Variants in NALCN observed in about 807,000 individuals in gnomAD.
The protein encoded by NALCN is sodium leak channel NALCN.
In NALCN, 111 loss-of-function variants were observed where a neutral mutation model predicts 225.3. The ratio of observed to expected loss-of-function variants is 0.49; its 90% CI spans 0.42 to 0.58. The LOEUF (loss-of-function observed/expected upper bound fraction) is 0.58. Among genes scored for constraint, NALCN ranks in the 20% least tolerant of loss-of-function variants. The pLI is 0.00. For synonymous variants in NALCN, 764 were observed against 769.0 expected (o/e 0.99, Z 0.11); for missense variants, 1,378 against 2,202.4 (o/e 0.63, Z 7.49).
chr13:101,127,399 C>T (rs555288523), intron 17 of NALCN, among the ~76,000 whole-genome samples: 1 of 152,258 alleles, frequency 6.6e-6, no homozygotes, highest in South Asian at 2.1e-4. Context: ...CACTCTGTTG[C>T]CCAGGTTGGA....
intron 7 of NALCN, among the ~76,000 whole-genome samples, chr13:101,341,333 G>A (rs1339812449): frequency 6.6e-6 from 1 of 152,188 alleles, no homozygotes; most frequent in Non-Finnish European, 1.5e-5. Context: ...TAAAGAATTT[G>A]TAAGCATTGT....
At chr13:101,055,578 T>TA in intron 43 of NALCN, 90 bp from the exon 44 acceptor site, 1 of 1,148,820 alleles carries the variant, frequency 8.7e-7, no homozygotes, top group Non-Finnish European at 1.2e-6. Context: ...CCATCAGTGA[T>TA]ACTTTTGGCT....
Position 101,082,213 on chromosome 13 carries a change from G to GTAAC in NALCN, c.3766-571_3766-568dup, listed in dbSNP as rs746098711. Among the ~76,000 whole-genome samples, 54 of 152,240 alleles carry GTAAC rather than the reference G, an allele frequency of 3.5e-4. 1 individual carries two copies. The highest frequency in any genetic ancestry group is 2.4e-3 in the Admixed American group (37 of 15,288). ...TTTAAAGAATAATTGTAAACATGTA[G>GTAAC]TAACTAAAAATAAGAGTTTATTACC... On this transcript the variant is annotated intron_variant, in intron 33 of 43. Coordinates refer to ENST00000251127, the MANE Select transcript of NALCN (RefSeq NM_052867.4).
At chr13:101,411,971 T>A (rs1432324032) in intron 1 of NALCN, among the ~76,000 whole-genome samples, 1 of 152,226 alleles carries the variant, frequency 6.6e-6, no homozygotes, top group Admixed American at 6.5e-5. Context: ...CTGATAATTT[T>A]AGAGAGGAAG....
intron 40 of NALCN, among the ~76,000 whole-genome samples, chr13:101,064,646 T>C (rs2032220168): frequency 6.6e-6 from 1 of 151,718 alleles, no homozygotes; most frequent in African/African-American, 2.4e-5. Flanking sequence ...AGCCAAGGAA[T>C]GACCAACATT....
chr13:101,159,434 A>G (rs1441851171), intron 15 of NALCN, among the ~76,000 whole-genome samples: 3 of 152,290 alleles, frequency 2.0e-5, no homozygotes, highest in East Asian at 3.9e-4. Flanking sequence ...GGTTACTAAC[A>G]TGTTGCCTAT....
At chr13:101,055,822 T>C (rs185631568) in intron 43 of NALCN, among the ~76,000 whole-genome samples, 142 of 152,060 alleles carry the variant, frequency 9.3e-4, no homozygotes, top group Non-Finnish European at 1.3e-3. Context: ...TTCATTAGCA[T>C]ATGCAATAAA....
intron 15 of NALCN, among the ~76,000 whole-genome samples, chr13:101,165,967 T>C (rs2038418442): frequency 6.6e-6 from 1 of 152,242 alleles, no homozygotes; most frequent in African/African-American, 2.4e-5. Context: ...TTGACTACTT[T>C]AGATAAACTC....
intron 10 of NALCN, among the ~76,000 whole-genome samples, chr13:101,282,969 G>A (rs1341776036): frequency 2.6e-5 from 4 of 152,034 alleles, no homozygotes; most frequent in Non-Finnish European, 5.9e-5. Flanking sequence ...AAAGAAAAGA[G>A]ATACAGTCTC....
intron 3 of NALCN, among the ~76,000 whole-genome samples, chr13:101,392,355 G>A (rs906285650): frequency 1.3e-5 from 2 of 152,070 alleles, no homozygotes; most frequent in Non-Finnish European, 2.9e-5. Flanking sequence ...TTATCGGAAT[G>A]GAAGGATAAC....
chr13:101,168,479 T>C (rs963669857), intron 15 of NALCN, among the ~76,000 whole-genome samples: 1 of 152,182 alleles, frequency 6.6e-6, no homozygotes, highest in African/African-American at 2.4e-5. Context: ...TCAGCGCACT[T>C]AAAGAAATCT....
chr13:101,292,502 C>G lies in NALCN; in HGVS notation c.800-136G>C. On this transcript the variant is annotated intron_variant, in intron 7 of 43. Transcript: ENST00000251127. This position sits in a 1 kb window ranked among gnomAD's most constrained non-coding sequence, Gnocchi z 4.3. Reference sequence around the variant, plus strand: ...GTGCTTCAAAAATTGATTAGAATCACATGCAACACATTTTACTGTTCTCTT... The same window carrying G: ...GTGCTTCAAAAATTGATTAGAATCAGATGCAACACATTTTACTGTTCTCTT... 1.2e-6 allele frequency: 1 copy of G among 860,386 alleles called. No individual in the cohort carries two copies. Among genetic ancestry groups the G allele is most frequent in the South Asian group, 2.1e-5 (1 of 47,368 alleles). The allele number at this position is 860,386 out of a possible 1,614,324, so 53.3% of individuals were successfully genotyped here.
chr13:101,334,409 C>T (rs7995303), intron 7 of NALCN, among the ~76,000 whole-genome samples: 4,965 of 104,534 alleles, frequency 0.047, 139 homozygotes, highest in Non-Finnish European at 0.068. Context: ...ATGGGATGAA[C>T]ACATACATTC....
At chr13:101,246,237 A>G (rs997386711) in intron 11 of NALCN, among the ~76,000 whole-genome samples, 2 of 152,202 alleles carry the variant, frequency 1.3e-5, no homozygotes, top group Non-Finnish European at 2.9e-5. Flanking sequence ...ATGAGATAAA[A>G]TGGTAGAGAT....
At chr13:101,070,682 A>AG (rs2032811777) in intron 37 of NALCN, among the ~76,000 whole-genome samples, 1 of 152,176 alleles carries the variant, frequency 6.6e-6, no homozygotes, top group Admixed American at 6.5e-5. Context: ...AGTAGGTCTC[A>AG]AGAGTGGGCT....
chr13:101,261,199 T>C (rs2042414663), intron 10 of NALCN, among the ~76,000 whole-genome samples: 1 of 152,218 alleles, frequency 6.6e-6, no homozygotes, highest in African/African-American at 2.4e-5. Context: ...TTCTGGGTTC[T>C]CTATTCTGTT....
intron 13 of NALCN, among the ~76,000 whole-genome samples, chr13:101,223,280 A>G (rs2041015651): frequency 6.6e-6 from 1 of 152,186 alleles, no homozygotes; most frequent in African/African-American, 2.4e-5. Flanking sequence ...ACCCCATTCC[A>G]ACACTAGACA....
intron 10 of NALCN, among the ~76,000 whole-genome samples, chr13:101,275,963 C>T (rs71439700): frequency 0.16 from 23,129 of 147,618 alleles, 2,095 homozygotes; most frequent in East Asian, 0.35. Flanking sequence ...ACTCAGGAGG[C>T]TGAGGCAGGA....
chr13:101,393,096 T>A (rs2047190135), intron 3 of NALCN, among the ~76,000 whole-genome samples: 1 of 152,162 alleles, frequency 6.6e-6, no homozygotes, highest in Non-Finnish European at 1.5e-5. Context: ...AATGGCAAAC[T>A]GGGAAAAACA....
Sources: allele counts gnomAD v4.1 joint callset (sites outside exome capture counted in the v4.1 genomes callset), GRCh38; gene constraint gnomAD v4.1.1; non-coding constraint Gnocchi (gnomAD v3.1); transcripts MANE v1.5; gene names NCBI Gene and HGNC (gene_info 2026-07-23, HGNC 2026-07-21).